Variants in PTPRD observed in about 807,000 individuals in gnomAD.
PTPRD encodes receptor-type tyrosine-protein phosphatase delta.
A neutral mutation model predicts 214.5 loss-of-function variants in PTPRD; 34 were observed. The ratio of observed to expected loss-of-function variants is 0.16; its 90% CI spans 0.12 to 0.21. PTPRD has a LOEUF of 0.21. Ranked by LOEUF, PTPRD falls within the 10% of genes least tolerant of loss-of-function variation. PTPRD has a pLI of 1.00. For missense variants in PTPRD, 2,545 were observed against 2,398.7 expected, an observed-to-expected ratio of 1.06 and a Z score of -1.27; for synonymous variants, 1,128 against 845.7, an observed-to-expected ratio of 1.33 and a Z score of -5.79.
intron 2 of PTPRD, among the ~76,000 whole-genome samples, chr9:10,361,020 T>G (rs1019184481): frequency 5.3e-5 from 8 of 151,834 alleles, no homozygotes; most frequent in Non-Finnish European, 4.4e-5. Context: ...GAGAATGGCG[T>G]GAACACGGGA....
At chr9:9,447,208 A>C (rs2090721268) in intron 8 of PTPRD, among the ~76,000 whole-genome samples, 2 of 152,170 alleles carry the variant, frequency 1.3e-5, no homozygotes, top group Non-Finnish European at 1.5e-5. Flanking sequence ...ATAATGACAC[A>C]TGCACATGTA....
At chr9:8,528,938 T>C (rs979031840) in intron 14 of PTPRD, among the ~76,000 whole-genome samples, 159 bp from the exon 15 acceptor site, 3 of 152,136 alleles carry the variant, frequency 2.0e-5, no homozygotes, top group Non-Finnish European at 4.4e-5. Context: ...ATGCTGCTAC[T>C]GATCAGAAGA....
intron 2 of PTPRD, among the ~76,000 whole-genome samples, chr9:10,480,987 G>C (rs189529271): frequency 6.6e-6 from 1 of 151,568 alleles, no homozygotes; most frequent in Non-Finnish European, 1.5e-5. Flanking sequence ...GACTCAAGTC[G>C]AGTCAATAAT....
intron 9 of PTPRD, among the ~76,000 whole-genome samples, chr9:9,310,166 T>G (rs1958488303): frequency 6.6e-6 from 1 of 152,168 alleles, no homozygotes; most frequent in South Asian, 2.1e-4. Flanking sequence ...CGTTACTGTT[T>G]TGGATCTGCT....
intron 3 of PTPRD, among the ~76,000 whole-genome samples, chr9:10,079,004 T>A (rs889415632): frequency 2.0e-5 from 3 of 151,714 alleles, no homozygotes; most frequent in African/African-American, 7.3e-5. Context: ...TTTCTTTTTC[T>A]TTTTTTTGGG....
intron 10 of PTPRD, among the ~76,000 whole-genome samples, chr9:9,031,077 TGA>T (rs1368842550): frequency 6.6e-6 from 1 of 151,968 alleles, no homozygotes; most frequent in African/African-American, 2.4e-5. Context: ...GTTAAATTGA[TGA>T]GAGAGACTTG....
intron 2 of PTPRD, among the ~76,000 whole-genome samples, chr9:10,352,450 A>G (rs1239750898): frequency 2.0e-5 from 3 of 152,048 alleles, no homozygotes; most frequent in Non-Finnish European, 4.4e-5. Flanking sequence ...CTGAATTAAC[A>G]TGATTTATTG....
chr9:10,030,477 G>C (rs1214997267), intron 4 of PTPRD, among the ~76,000 whole-genome samples: 2 of 152,156 alleles, frequency 1.3e-5, no homozygotes, highest in African/African-American at 4.8e-5. Flanking sequence ...AGTATCACGA[G>C]ATAGAAATGA....
chr9:8,746,770 G>C (rs1459891547), intron 11 of PTPRD, among the ~76,000 whole-genome samples: 4 of 152,172 alleles, frequency 2.6e-5, no homozygotes, highest in African/African-American at 4.8e-5. Flanking sequence ...GAGGCAGGAG[G>C]ATCACTTGAG....
chr9:9,255,766 A>G (rs1169667919), intron 9 of PTPRD, among the ~76,000 whole-genome samples: 4 of 152,074 alleles, frequency 2.6e-5, no homozygotes, highest in Non-Finnish European at 5.9e-5. Context: ...CACTATTGGC[A>G]TAAATAATTC....
chr9:10,555,302 C>CA (rs1229205175), intron 2 of PTPRD, among the ~76,000 whole-genome samples: 1 of 152,070 alleles, frequency 6.6e-6, no homozygotes, highest in African/African-American at 2.4e-5. Context: ...AAGACAAACT[C>CA]ATTAGTTACA....
In PTPRD at chr9:8,557,455, T is replaced by TATATATATATATATATATATATATATAC; in HGVS notation, c.353-28677_353-28676insGTATATATATATATATATATATATATAT. ...AAATACATATATATATATATATATA[T>TATATATATATATATATATATATATATAC]ATTTGGGCCGGGCGCGGTGGCTCAT... On this transcript the variant is annotated intron_variant, in intron 14 of 45. Coordinates refer to ENST00000381196, the MANE Select transcript of PTPRD (RefSeq NM_002839.4). Among the ~76,000 whole-genome samples the TATATATATATATATATATATATATATAC allele has an allele frequency of 6.8e-4, 92 of 135,544 alleles. 3 individuals carry two copies. The highest frequency in any genetic ancestry group is 2.4e-3 in the African/African-American group (70 of 28,732). 88.9% of individuals were successfully genotyped at this position (135,544 alleles called of 152,430 possible).
chr9:10,300,979 T>A (rs2095846257), intron 3 of PTPRD, among the ~76,000 whole-genome samples: 1 of 152,054 alleles, frequency 6.6e-6, no homozygotes, highest in East Asian at 1.9e-4. Context: ...GGAAGACATC[T>A]CCCAGTAGGG....
At chr9:8,763,760 A>C (rs2154478665) in intron 11 of PTPRD, among the ~76,000 whole-genome samples, 1 of 152,034 alleles carries the variant, frequency 6.6e-6, no homozygotes, top group Non-Finnish European at 1.5e-5. Flanking sequence ...AATGATCATA[A>C]GTTACCCCTC....
At chr9:9,583,003 A>C (rs2091165797) in intron 7 of PTPRD, among the ~76,000 whole-genome samples, 1 of 152,090 alleles carries the variant, frequency 6.6e-6, no homozygotes, top group African/African-American at 2.4e-5. Context: ...AAAATATGTG[A>C]TTAAAAATAT....
chr9:10,117,514 C>G (rs2098739969), intron 3 of PTPRD, among the ~76,000 whole-genome samples: 1 of 152,022 alleles, frequency 6.6e-6, no homozygotes, highest in East Asian at 1.9e-4. Flanking sequence ...GAGAATACGT[C>G]CTTGCTTCCT....
In PTPRD at chr9:9,998,129, A is replaced by ATATATATATATAT. The variant is rs1555449230; in HGVS notation, c.-472+35588_-472+35589insATATATATATATA. On this transcript the variant is annotated intron_variant, in intron 4 of 45. Transcript: ENST00000381196. ...TTAAAGTATAATAAAAAAAAAAAAAAATATATATATATATATAAAAGAAGA... is the reference window on the plus strand; with the variant it reads ...TTAAAGTATAATAAAAAAAAAAAAAATATATATATATATATATATATATATATATAAAAGAAGA... Among the ~76,000 whole-genome samples, 777 of 91,384 alleles carry ATATATATATATAT rather than the reference A, an allele frequency of 8.5e-3. 4 individuals are homozygous for ATATATATATATAT. Among genetic ancestry groups the ATATATATATATAT allele is most frequent in the African/African-American group, 0.02 (343 of 16,964 alleles). 60.0% of individuals were successfully genotyped at this position (91,384 alleles called of 152,430 possible).
intron 6 of PTPRD, among the ~76,000 whole-genome samples, chr9:9,749,845 G>T (rs373031492): frequency 6.6e-6 from 1 of 152,196 alleles, no homozygotes; most frequent in Middle Eastern, 3.4e-3. Context: ...TTAAAAAGAG[G>T]AGGAAGAAAG....
chr9:8,413,146 A>G (rs1305730226), intron 35 of PTPRD, among the ~76,000 whole-genome samples: 1 of 152,024 alleles, frequency 6.6e-6, no homozygotes, highest in Non-Finnish European at 1.5e-5. Flanking sequence ...TAAACATACG[A>G]TTTTTCTTCC....
Sources: allele counts gnomAD v4.1 joint callset (sites outside exome capture counted in the v4.1 genomes callset), GRCh38; gene constraint gnomAD v4.1.1; transcripts MANE v1.5; gene names NCBI Gene and HGNC (gene_info 2026-07-23, HGNC 2026-07-21).